Variants in SP4 observed in about 807,000 individuals in gnomAD.
The protein encoded by SP4 is transcription factor Sp4.
A neutral mutation model predicts 72.8 loss-of-function variants in SP4; 19 were observed. The ratio of observed to expected loss-of-function variants is 0.26; its 90% CI spans 0.18 to 0.38. SP4 has a LOEUF of 0.38. Among genes scored for constraint, SP4 ranks in the 10% least tolerant of loss-of-function variants. The probability of loss-of-function intolerance (pLI) is 1.00; values close to 1 mark genes in which losing one functional copy is unlikely to be tolerated. For missense variants in SP4, 1,008 were observed against 926.3 expected, an observed-to-expected ratio of 1.09 and a Z score of -1.14; for synonymous variants, 395 against 333.1, an observed-to-expected ratio of 1.19 and a Z score of -2.02.
chr7:21,435,575 T>C (rs1006599468), intron 3 of SP4, among the ~76,000 whole-genome samples: 5 of 152,216 alleles, frequency 3.3e-5, no homozygotes, highest in Admixed American at 3.3e-4. Context: ...TGGATTTCCC[T>C]AATGGGCATC....
intron 5 of SP4, among the ~76,000 whole-genome samples, chr7:21,508,692 G>A (rs1782070615): frequency 6.6e-6 from 1 of 151,988 alleles, no homozygotes; most frequent in Non-Finnish European, 1.5e-5. Context: ...GAAATCCCAG[G>A]TTCCTCCTGT....
intron 3 of SP4, among the ~76,000 whole-genome samples, chr7:21,438,408 A>G (rs1373488418): frequency 6.6e-6 from 1 of 151,988 alleles, no homozygotes; most frequent in Non-Finnish European, 1.5e-5. Context: ...TTTTTTTCAT[A>G]GAGGCTGTAT....
intron 3 of SP4, among the ~76,000 whole-genome samples, chr7:21,437,809 A>G (rs962838311): frequency 1.3e-5 from 2 of 152,182 alleles, no homozygotes; most frequent in Non-Finnish European, 2.9e-5. Flanking sequence ...TGCTTGTGAG[A>G]TACTTCTGCA....
At chr7:21,429,266 C>T in intron 2 of SP4, 23 bp from the exon 3 acceptor site, 1 of 1,308,494 alleles carries the variant, frequency 7.6e-7, no homozygotes, top group Non-Finnish European at 1.1e-6. Flanking sequence ...CCCCCCTCTC[C>T]TTTACCGTCC....
At chr7:21,469,692 C>T (rs754556975) in intron 3 of SP4, among the ~76,000 whole-genome samples, 20 of 151,828 alleles carry the variant, frequency 1.3e-4, no homozygotes, top group Admixed American at 2.0e-4. Context: ...CAGGTGCCCG[C>T]CACCACACCC....
chr7:21,484,815 C>G (rs1443389745), intron 5 of SP4, among the ~76,000 whole-genome samples: 2 of 151,834 alleles, frequency 1.3e-5, no homozygotes, highest in Non-Finnish European at 3.0e-5. Flanking sequence ...GTCCCTCTCT[C>G]TTACACATCC....
At chr7:21,451,432 T>C (rs10253281) in intron 3 of SP4, among the ~76,000 whole-genome samples, 5,081 of 152,254 alleles carry the variant, frequency 0.033, 330 homozygotes, top group East Asian at 0.26. Flanking sequence ...GACTACCTAC[T>C]GTAACATTTC....
At chr7:21,469,483 A>G (rs960700293) in intron 3 of SP4, among the ~76,000 whole-genome samples, 2 of 152,134 alleles carry the variant, frequency 1.3e-5, no homozygotes, top group African/African-American at 4.8e-5. Context: ...ATTTTCATCA[A>G]AATAGGTAGA....
chr7:21,432,935 G>T (rs959666442), intron 3 of SP4, among the ~76,000 whole-genome samples: 1 of 152,122 alleles, frequency 6.6e-6, no homozygotes, highest in African/African-American at 2.4e-5. Flanking sequence ...TCCAGGCTGC[G>T]GTGAGCTGTG....
chr7:21,472,083 G>A (rs945659099), intron 3 of SP4, among the ~76,000 whole-genome samples: 1 of 152,166 alleles, frequency 6.6e-6, no homozygotes, highest in African/African-American at 2.4e-5. Context: ...GATTCAGGTG[G>A]AAGTGTTCAC....
At chr7:21,508,002 A>C (rs1050464515) in intron 5 of SP4, among the ~76,000 whole-genome samples, 2 of 151,984 alleles carry the variant, frequency 1.3e-5, no homozygotes, top group East Asian at 3.9e-4. Flanking sequence ...CTTACAGTCC[A>C]ATTTTCCTCC....
Position 21,430,062 on chromosome 7 carries a change from A to T in SP4, c.897A>T (p.Gln299His), listed in dbSNP as rs138646408. 11 of 1,614,160 alleles carry T rather than the reference A, an allele frequency of 6.8e-6. No homozygotes were observed. Among genetic ancestry groups the T allele is most frequent in the South Asian group, 2.2e-5 (2 of 91,078 alleles). The change falls in exon 3 of 6, where the codon CAA (glutamine) becomes CAT (histidine). Residue 299 changes from glutamine (Q) to histidine (H), a missense_variant. Gln to His is a conservative substitution (Grantham distance 24). This residue lies in a region of SP4 where 893 missense variants were observed against 743.3 expected (regional missense o/e 1.20). Transcript: ENST00000222584. ...TADSGTSNGN[Q>H]LVSTPTNTTT... ...ATAGTGGGACTTCCAATGGGAATCA[A>T]TTAGTTTCCACACCCACCAACACCA...
At chr7:21,502,020 G>A (rs898934072) in intron 5 of SP4, among the ~76,000 whole-genome samples, 6 of 145,826 alleles carry the variant, frequency 4.1e-5, no homozygotes, top group African/African-American at 7.7e-5. Flanking sequence ...ATTTGGTTTC[G>A]GGCCTTAAAT....
chr7:21,509,012 G>A (rs1156582077), intron 5 of SP4, among the ~76,000 whole-genome samples: 3 of 151,958 alleles, frequency 2.0e-5, no homozygotes, highest in Admixed American at 6.6e-5. Flanking sequence ...TATGTAAATA[G>A]TAATAACTGT....
At chr7:21,492,628 A>G (rs748780291) in intron 5 of SP4, among the ~76,000 whole-genome samples, 8 of 152,236 alleles carry the variant, frequency 5.3e-5, no homozygotes, top group Non-Finnish European at 1.2e-4. Flanking sequence ...AAAAACAGAC[A>G]ATTTAAAAAC....
At chr7:21,460,567 T>C (rs562466700) in intron 3 of SP4, among the ~76,000 whole-genome samples, 271 of 152,326 alleles carry the variant, frequency 1.8e-3, no homozygotes, top group Middle Eastern at 0.014. Context: ...GGGTTGCCAC[T>C]GCTGGCTCGG....
intron 3 of SP4, among the ~76,000 whole-genome samples, chr7:21,438,328 T>C (rs1456586407): frequency 6.6e-6 from 1 of 152,184 alleles, no homozygotes; most frequent in East Asian, 1.9e-4. Flanking sequence ...GAGTTCTCTG[T>C]AAGTCTTAAA....
intron 3 of SP4, among the ~76,000 whole-genome samples, chr7:21,444,229 T>C (rs1014222632): frequency 1.3e-5 from 2 of 152,202 alleles, no homozygotes; most frequent in Non-Finnish European, 2.9e-5. Context: ...GGGACTGAAC[T>C]CCTGCTTCCA....
intron 3 of SP4, among the ~76,000 whole-genome samples, chr7:21,438,869 A>C (rs757590697): frequency 6.6e-6 from 1 of 152,220 alleles, no homozygotes; most frequent in Non-Finnish European, 1.5e-5. Context: ...CAGTGTGTTC[A>C]AGTATTTTTA....
Sources: allele counts gnomAD v4.1 joint callset (sites outside exome capture counted in the v4.1 genomes callset), GRCh38; gene constraint gnomAD v4.1.1; regional missense constraint gnomAD v4.1.1; transcripts MANE v1.5; gene names NCBI Gene and HGNC (gene_info 2026-07-23, HGNC 2026-07-21).